TUBGCP6: variants seen among roughly 807,000 people sequenced by gnomAD.
TUBGCP6 encodes gamma-tubulin complex component 6.
A neutral mutation model predicts 175.8 loss-of-function variants in TUBGCP6; 161 were observed. The ratio of observed to expected loss-of-function variants is 0.92; its 90% CI spans 0.81 to 1.04. TUBGCP6 has a LOEUF of 1.04. Among genes scored for constraint, TUBGCP6 ranks in the 50% least tolerant of loss-of-function variants. TUBGCP6 has a pLI of 0.00. For missense variants in TUBGCP6, 2,572 were observed against 2,433.0 expected, an observed-to-expected ratio of 1.06 and a Z score of -1.20; for synonymous variants, 1,173 against 1,030.5, an observed-to-expected ratio of 1.14 and a Z score of -2.65.
chr22:50,235,923 G>C (rs1488965663), intron 2 of TUBGCP6, among the ~76,000 whole-genome samples: 5 of 145,110 alleles, frequency 3.4e-5, no homozygotes, highest in Admixed American at 6.9e-5. Flanking sequence ...TTGAGCAACA[G>C]AGCAAGACTC....
In TUBGCP6 at chr22:50,233,308, G is replaced by T; in HGVS notation, c.1116+8C>A. The T allele has an allele frequency of 6.2e-7, 1 of 1,609,478 alleles. No homozygotes were observed. Among genetic ancestry groups the T allele is most frequent in the Non-Finnish European group, 8.5e-7 (1 of 1,177,564 alleles). ...ACACCACTGTGGCGGGGAGTGAGCA[G>T]TTCTCACCTGGCAGAGCGAAAACGT... On this transcript the variant is annotated splice_region_variant and intron_variant, in intron 3 of 24. Transcript: ENST00000248846.
rs2147180127 is a variant in TUBGCP6, at chr22:50,221,524, G to A, written c.2835C>T (p.Pro945=). The part of the protein sequence containing the change: ...GEAPAAASTQ[P]SRPQEYDFST... ...TAAAGTCGTACTCCTGTGGCCTGGA[G>A]GGCTGAGTGCTGGCTGCTGCGGGTG... The change falls in exon 16 of 25, where the codon CCC becomes CCT. Residue 945 remains proline (P), a synonymous_variant. Coordinates refer to ENST00000248846, the MANE Select transcript of TUBGCP6 (RefSeq NM_020461.4). 2 of 1,586,204 alleles carry A rather than the reference G, an allele frequency of 1.3e-6. No homozygotes were observed. The highest frequency in any genetic ancestry group is 8.6e-7 in the Non-Finnish European group (1 of 1,164,938).
At chr22:50,226,550 G>A (rs574018366) in intron 7 of TUBGCP6, among the ~76,000 whole-genome samples, 172 bp from the exon 8 acceptor site, 133 of 148,258 alleles carry the variant, frequency 9.0e-4, no homozygotes, top group Admixed American at 4.4e-3. Context: ...TGGAGTGGGG[G>A]CAGGGTGGGG....
chr22:50,218,022 G>T lies in TUBGCP6; in HGVS notation c.5264C>A (p.Ala1755Asp), dbSNP rs371250252. 6.2e-7 allele frequency: 1 copy of T among 1,613,314 alleles called. No individual in the cohort carries two copies. Among genetic ancestry groups the T allele is most frequent in the African/African-American group, 1.3e-5 (1 of 75,052 alleles). ...LKFRSQLISQ[A>D]WGPPGGPRGA... is the part of the protein sequence containing the mutation. ...CCGCGGGCCCCCAGGGGGCCCCCAG[G>T]CCTGGGAGATGAGCTGGCTGCGGAA... Residue 1755 changes from alanine (A) to aspartate (D), a missense_variant, in exon 24 of 25, where the codon GCC (alanine) becomes GAC (aspartate). By Grantham distance (126) the Ala-to-Asp change is moderately radical. Coordinates refer to ENST00000248846, the MANE Select transcript of TUBGCP6 (RefSeq NM_020461.4).
rs771947698 is a variant in TUBGCP6 at position 50,220,353 on chromosome 22, A to G, written c.4006T>C (p.Cys1336Arg). 5.9e-6 allele frequency: 9 copies of G among 1,522,320 alleles called. No individual in the cohort carries two copies. Among genetic ancestry groups the G allele is most frequent in the Non-Finnish European group, 7.1e-6 (8 of 1,130,240 alleles). The allele number at this position is 1,522,320 out of a possible 1,614,324, so 94.3% of individuals were successfully genotyped here. The change falls in exon 16 of 25, where the codon TGC (cysteine) becomes CGC (arginine). Residue 1336 changes from cysteine (C) to arginine (R), a missense_variant. Cys to Arg is a radical substitution (Grantham distance 180, BLOSUM62 -3). Transcript: ENST00000248846. ...CCCACGCTGATGCTCCCCTCCCCGC[A>G]GCCCGAGCTGGGGGAGGACAGAGAT... ...GPSLSSPSSG[C>R]GEGSISVGEN...
At position 50,224,476 on chromosome 22, in the gene TUBGCP6, C is replaced by T. The variant is rs376766767; in HGVS notation, c.2065+35G>A. 2.4e-4 allele frequency: 388 copies of T among 1,614,038 alleles called. 1 individual carries two copies. Among genetic ancestry groups the T allele is most frequent in the Non-Finnish European group, 2.8e-4 (334 of 1,180,030 alleles). ...ACAAGGAGGCCCCAGCAAGGCCCCC[C>T]GGAACTGCAGAAGGGAGGACTTGGG... On this transcript the variant is annotated intron_variant, in intron 11 of 24. Coordinates refer to ENST00000248846, the MANE Select transcript of TUBGCP6 (RefSeq NM_020461.4).
At chr22:50,243,645 AAG>A in intron 1 of TUBGCP6, 72 bp downstream of exon 1, 1 of 1,262,966 alleles carries the variant, frequency 7.9e-7, no homozygotes. Context: ...GAAGAAGAAG[AAG>A]AAGAAGAAAG....
chr22:50,244,415 G>A lies in TUBGCP6; in HGVS notation c.45C>T (p.Leu15=). The change falls in exon 1 of 25, where the codon CTC becomes CTT. Residue 15 remains leucine (L), a synonymous_variant. Transcript: ENST00000248846. ...CCAGGTGAGTCTTGGCAGCCGGCAGGAGGGCCTCACACAGGTCGTCGAACA... is the reference window on the plus strand; with the variant it reads ...CCAGGTGAGTCTTGGCAGCCGGCAGAAGGGCCTCACACAGGTCGTCGAACA... The part of the protein sequence containing the change: ...TQLFDDLCEA[L]LPAAKTHLGQ... 1 of 1,613,028 alleles carries A rather than the reference G, an allele frequency of 6.2e-7. No homozygotes were observed. The highest frequency in any genetic ancestry group is 8.5e-7 in the Non-Finnish European group (1 of 1,179,972).
chr22:50,217,915 C>A lies in TUBGCP6; in HGVS notation c.5368+3G>T. On this transcript the variant is annotated splice_donor_region_variant and intron_variant, in intron 24 of 24. Transcript: ENST00000248846. ...CAGCCCTCCCAGCCAGGGTGGGCCT[C>A]ACCTTTGAAGAGAAAGTGGGAGTAG... The A allele has an allele frequency of 6.2e-7, 1 of 1,606,038 alleles. No individual in the cohort carries two copies. The highest frequency in any genetic ancestry group is 8.5e-7 in the Non-Finnish European group (1 of 1,175,224).
chr22:50,243,760 G>A lies in TUBGCP6; in HGVS notation c.700C>T (p.Pro234Ser), dbSNP rs559074704. 1.2e-5 allele frequency: 19 copies of A among 1,613,606 alleles called. No individual in the cohort carries two copies. In the African/African-American group the frequency reaches 2.1e-4, roughly 18 times the overall value. Residue 234 changes from proline to serine, a missense_variant, in exon 1 of 25, where the codon CCC (proline) becomes TCC (serine). Coordinates refer to ENST00000248846, the MANE Select transcript of TUBGCP6 (RefSeq NM_020461.4). ...GAGAGGTCCGCATTGTCTGGCACGG[G>A]GGGCAGGCCCAGTCGGACGTCCATG... ...YDMDVRLGLP[P>S]VPDNADLSGL...
intron 16 of TUBGCP6, 79 bp downstream of exon 16, chr22:50,220,172 C>A: frequency 6.5e-7 from 1 of 1,548,464 alleles, no homozygotes; most frequent in Non-Finnish European, 8.8e-7. Context: ...CACATGCCAC[C>A]AACCCCACTG....
At chr22:50,223,631 C>T (rs914239802) in intron 13 of TUBGCP6, 3 of 154,484 alleles carry the variant, frequency 1.9e-5, no homozygotes, top group African/African-American at 7.2e-5. Context: ...ATACAAAAAA[C>T]TAGCTGGATG....
intron 1 of TUBGCP6, among the ~76,000 whole-genome samples, chr22:50,243,123 TGG>T (rs1360446577): frequency 1.3e-5 from 2 of 152,098 alleles, no homozygotes; most frequent in African/African-American, 4.8e-5. Context: ...GAGACCAGCC[TGG>T]CCAACATGGT....
In TUBGCP6 at chr22:50,220,282, G is replaced by A. The variant is rs754280204; in HGVS notation, c.4077C>T (p.Asn1359=). Residue 1359 remains asparagine (N), a synonymous_variant, in exon 16 of 25, where the codon AAC becomes AAT. Coordinates refer to ENST00000248846, the MANE Select transcript of TUBGCP6 (RefSeq NM_020461.4). ...DVAPTQPWWP[N]TPGDSVSEEL... The stretch of plus-strand genomic sequence containing the variant: ...CTTCAGAGACACTGTCTCCCGGGGT[G>A]TTGGGCCACCATGGTTGGGTGGGAG... 1.9e-6 allele frequency: 3 copies of A among 1,573,018 alleles called. No homozygotes were observed. The highest frequency in any genetic ancestry group is 1.8e-5 in the Admixed American group (1 of 56,724).
intron 24 of TUBGCP6, 44 bp from the exon 25 acceptor site, chr22:50,217,871 C>G (rs746804508): frequency 6.2e-7 from 1 of 1,608,190 alleles, no homozygotes; most frequent in Non-Finnish European, 8.5e-7. Flanking sequence ...ACAGTGTGAG[C>G]CCCGCCCTGG....
At chr22:50,238,985 G>A (rs1013944398) in intron 2 of TUBGCP6, among the ~76,000 whole-genome samples, 12 of 152,240 alleles carry the variant, frequency 7.9e-5, no homozygotes, top group East Asian at 3.9e-4. Flanking sequence ...AGGAAAGCTC[G>A]CCCACCCGGG....
rs2147213929 is a variant in TUBGCP6 at position 50,240,376 on chromosome 22, A to G, written c.742-9T>C. The G allele has an allele frequency of 6.2e-7, 1 of 1,611,100 alleles. No individual in the cohort carries two copies. The highest frequency in any genetic ancestry group is 8.5e-7 in the Non-Finnish European group (1 of 1,178,926). ...TCCACACTCGGTGGGACCTGGAGAC[A>G]CAGGGAAGGGCAAACCGCCACTTAT... On this transcript the variant is annotated splice_polypyrimidine_tract_variant and intron_variant, in intron 1 of 24. Transcript: ENST00000248846.
chr22:50,224,255 C>T lies in TUBGCP6; in HGVS notation c.2156G>A (p.Arg719Gln), dbSNP rs772397375. The change falls in exon 13 of 25, where the codon CGA becomes CAA. Residue 719 changes from arginine (R) to glutamine (Q), a missense_variant and splice_region_variant. Coordinates refer to ENST00000248846, the MANE Select transcript of TUBGCP6 (RefSeq NM_020461.4). ...CTCCTCCTGCCTGGCCGCCTGGCGT[C>T]GCTATAAAACACATAGAGCCTGGCC... ...LKEQFVKDQE[R>Q]RQAARQEELD... 140 of 1,613,994 alleles carry T rather than the reference C, an allele frequency of 8.7e-5. No individual in the cohort carries two copies. Among genetic ancestry groups the T allele is most frequent in the Non-Finnish European group, 1.1e-4 (133 of 1,180,046 alleles).
chr22:50,218,609 A>T lies in TUBGCP6; in HGVS notation c.4833T>A (p.Pro1611=). 1.2e-6 allele frequency: 2 copies of T among 1,613,676 alleles called. No homozygotes were observed. Among genetic ancestry groups the T allele is most frequent in the Non-Finnish European group, 1.7e-6 (2 of 1,179,848 alleles). The change falls in exon 22 of 25, where the codon CCT becomes CCA. Residue 1611 remains proline, a synonymous_variant. Transcript: ENST00000248846. ...CLELRYKVDW[P]LNIVITEGCV... ...AGCCCTCGGTGATGACAATGTTGAG[A>T]GGCCAGTCCACCTGCCAGGAGGCGT...
Sources: gnomAD v4.1 joint callset for allele counts (sites outside exome capture counted in the v4.1 genomes callset) on GRCh38, gnomAD v4.1.1 for gene constraint, MANE v1.5 for transcripts, NCBI Gene and HGNC (gene_info 2026-07-23, HGNC 2026-07-21) for gene names.